Variants in FAM124A observed in about 807,000 individuals in gnomAD.
The protein encoded by FAM124A is protein FAM124A.
FAM124A carries 23 observed loss-of-function variants against 24.5 expected under a neutral mutation model. That is an observed-to-expected ratio of 0.94 (90% confidence interval 0.68 to 1.33). The LOEUF (loss-of-function observed/expected upper bound fraction) is 1.33, where lower values mean the gene tolerates loss of function less well. Ranked by LOEUF, FAM124A falls within the 40% of genes most tolerant of loss-of-function variation. FAM124A has a pLI of 0.00. For synonymous variants in FAM124A, 287 were observed against 314.7 expected, an observed-to-expected ratio of 0.91 and a Z score of 0.93; for missense variants, 623 against 722.8, an observed-to-expected ratio of 0.86 and a Z score of 1.58.
intron 3 of FAM124A, among the ~76,000 whole-genome samples, chr13:51,259,853 A>G (rs144318550): frequency 6.6e-6 from 1 of 152,302 alleles, no homozygotes; most frequent in African/African-American, 2.4e-5. Context: ...GGCACATGTT[A>G]GACACCCAGT....
At chr13:51,259,956 C>G (rs1954717103) in intron 3 of FAM124A, among the ~76,000 whole-genome samples, 1 of 152,076 alleles carries the variant, frequency 6.6e-6, no homozygotes, top group East Asian at 1.9e-4. Flanking sequence ...GCTGAGGGAG[C>G]AGTGGAGAGC....
At chr13:51,266,937 G>A (rs1458063572) in intron 3 of FAM124A, among the ~76,000 whole-genome samples, 5 of 152,202 alleles carry the variant, frequency 3.3e-5, no homozygotes, top group Admixed American at 3.3e-4. Context: ...GGATCTGTGA[G>A]CTCAGAATAC....
rs3045985 is a variant in FAM124A at position 51,283,767 on chromosome 13, C to CAAAAAAA, written c.*2533_*2539dup. On this transcript the variant is annotated 3_prime_UTR_variant, in exon 4 of 4. Coordinates refer to ENST00000322475, the MANE Select transcript of FAM124A (RefSeq NM_001242312.2). Reference sequence around the variant, plus strand: ...TCATCAGTAACAAAAGTCAGTGAGGCAAAAAAAAAAAAAAAAAAAAAAAAA... The same window carrying CAAAAAAA: ...TCATCAGTAACAAAAGTCAGTGAGGCAAAAAAAAAAAAAAAAAAAAAAAAAAAAAAAA... 2.6e-4 allele frequency: 9 copies of CAAAAAAA among 34,712 alleles called. No homozygotes were observed. The highest frequency in any genetic ancestry group is 9.9e-4 in the Admixed American group (2 of 2,020). The allele number at this position is 34,712 out of a possible 1,614,324, so 2.2% of individuals were successfully genotyped here.
At chr13:51,248,650 G>A (rs1204611736) in intron 2 of FAM124A, among the ~76,000 whole-genome samples, 3 of 152,096 alleles carry the variant, frequency 2.0e-5, no homozygotes, top group Admixed American at 6.5e-5. Context: ...GCTCCCCCAA[G>A]TATGTTCTTA....
At chr13:51,269,665 C>G (rs1450845167) in intron 3 of FAM124A, among the ~76,000 whole-genome samples, 2 of 152,030 alleles carry the variant, frequency 1.3e-5, no homozygotes, top group East Asian at 3.9e-4. Context: ...CTACAAAGCC[C>G]TTTTAAAAAT....
At chr13:51,234,866 A>G (rs1954419483) in intron 2 of FAM124A, among the ~76,000 whole-genome samples, 1 of 152,126 alleles carries the variant, frequency 6.6e-6, no homozygotes, top group Admixed American at 6.5e-5. Flanking sequence ...CACAGTAGAG[A>G]GACTGTGGTG....
chr13:51,276,358 G>A (rs1385493303), intron 3 of FAM124A, among the ~76,000 whole-genome samples: 4 of 152,184 alleles, frequency 2.6e-5, no homozygotes, highest in African/African-American at 9.7e-5. Flanking sequence ...GAATTGGTAT[G>A]TTGCTATAAC....
intron 2 of FAM124A, among the ~76,000 whole-genome samples, chr13:51,240,937 C>T (rs1954484662): frequency 6.6e-6 from 1 of 152,200 alleles, no homozygotes; most frequent in Non-Finnish European, 1.5e-5. Flanking sequence ...AGTCGTCTTC[C>T]TCCCACCAGA....
chr13:51,262,621 C>T (rs1954747828), intron 3 of FAM124A, among the ~76,000 whole-genome samples: 1 of 152,192 alleles, frequency 6.6e-6, no homozygotes, highest in Non-Finnish European at 1.5e-5. Flanking sequence ...AACCTCCTTC[C>T]CATTCAAACG....
At chr13:51,253,949 C>A (rs533547361) in intron 3 of FAM124A, among the ~76,000 whole-genome samples, 2 of 152,274 alleles carry the variant, frequency 1.3e-5, no homozygotes, top group Admixed American at 1.3e-4. Context: ...TTACCTCTCC[C>A]CCCAAGATTC....
At chr13:51,255,178 AT>A (rs1954662621) in intron 3 of FAM124A, among the ~76,000 whole-genome samples, 2 of 152,172 alleles carry the variant, frequency 1.3e-5, no homozygotes, top group Admixed American at 1.3e-4. Flanking sequence ...GCAAAGACAT[AT>A]ACCATGAAAG....
chr13:51,243,679 G>A (rs1004316472), intron 2 of FAM124A, among the ~76,000 whole-genome samples: 4 of 152,002 alleles, frequency 2.6e-5, no homozygotes, highest in Admixed American at 6.6e-5. Context: ...GACTACAGGC[G>A]CCCGCCACCA....
At chr13:51,259,927 G>T (rs750820844) in intron 3 of FAM124A, among the ~76,000 whole-genome samples, 5 of 152,204 alleles carry the variant, frequency 3.3e-5, no homozygotes, top group Non-Finnish European at 7.3e-5. Flanking sequence ...CCTTGGGCTG[G>T]TAGGGGTGTG....
At chr13:51,264,582 TC>T (rs1954767359) in intron 3 of FAM124A, among the ~76,000 whole-genome samples, 1 of 151,978 alleles carries the variant, frequency 6.6e-6, no homozygotes, top group Admixed American at 6.6e-5. Context: ...TATGATCGCG[TC>T]CGTGAATAGC....
chr13:51,267,779 G>A (rs950920878), intron 3 of FAM124A, among the ~76,000 whole-genome samples: 2 of 152,178 alleles, frequency 1.3e-5, no homozygotes, highest in African/African-American at 4.8e-5. Flanking sequence ...GCTCCAGATT[G>A]TGGCCAACTG....
chr13:51,279,283 C>T (rs951835679), intron 3 of FAM124A, among the ~76,000 whole-genome samples: 3 of 152,144 alleles, frequency 2.0e-5, no homozygotes, highest in Non-Finnish European at 2.9e-5. Flanking sequence ...CAGCAGCCAC[C>T]CAGCTGTGAC....
At chr13:51,273,275 A>G (rs1326880599) in intron 3 of FAM124A, among the ~76,000 whole-genome samples, 2 of 152,158 alleles carry the variant, frequency 1.3e-5, no homozygotes, top group Non-Finnish European at 1.5e-5. Flanking sequence ...TGCTATTGGT[A>G]TCTAGTGGAT....
chr13:51,252,507 A>G (rs2282371), intron 3 of FAM124A: 57,280 of 424,148 alleles, frequency 0.14, 5,103 homozygotes, highest in East Asian at 0.35. Flanking sequence ...GGGGATTTCA[A>G]ATGAGCTTAT....
chr13:51,256,155 T>TG (rs540791710), intron 3 of FAM124A, among the ~76,000 whole-genome samples: 156 of 152,258 alleles, frequency 1.0e-3, no homozygotes, highest in African/African-American at 3.6e-3. Flanking sequence ...AGAAGTGACT[T>TG]GGGGTCCCCT....
Sources: gnomAD v4.1 joint callset for allele counts (sites outside exome capture counted in the v4.1 genomes callset) on GRCh38, gnomAD v4.1.1 for gene constraint, MANE v1.5 for transcripts, NCBI Gene and HGNC (gene_info 2026-07-23, HGNC 2026-07-21) for gene names.